CEMIP: variants seen among roughly 807,000 people sequenced by gnomAD.
CEMIP encodes cell migration inducing hyaluronidase 1, also known as cell migration-inducing and hyaluronan-binding protein.
A neutral mutation model predicts 156.9 loss-of-function variants in CEMIP; 105 were observed. That is an observed-to-expected ratio of 0.67 (90% CI 0.57 to 0.79). The LOEUF is 0.79. Ranked by LOEUF, CEMIP falls within the 30% of genes least tolerant of loss-of-function variation. The probability of loss-of-function intolerance (pLI) is 0.00; values close to 1 mark genes in which losing one functional copy is unlikely to be tolerated. For missense variants in CEMIP, 1,457 were observed against 1,769.4 expected, an observed-to-expected ratio of 0.82 and a Z score of 3.17; for synonymous variants, 676 against 668.4, an observed-to-expected ratio of 1.01 and a Z score of -0.17.
chr15:80,912,807 C>T (rs1900119097), intron 14 of CEMIP, among the ~76,000 whole-genome samples: 1 of 152,162 alleles, frequency 6.6e-6, no homozygotes, highest in Admixed American at 6.5e-5. Context: ...ACATTTGCTT[C>T]CTTCATTTTG....
intron 11 of CEMIP, among the ~76,000 whole-genome samples, chr15:80,895,430 T>C (rs1899185572): frequency 1.3e-5 from 2 of 152,004 alleles, no homozygotes; most frequent in African/African-American, 2.4e-5. Context: ...TTAAATCCAG[T>C]ACCTAAGGTG....
intron 1 of CEMIP, among the ~76,000 whole-genome samples, chr15:80,854,877 G>A (rs898859276): frequency 1.3e-5 from 2 of 152,134 alleles, no homozygotes; most frequent in African/African-American, 4.8e-5. Context: ...CCCAGACCTG[G>A]AGAGCCACTA....
At chr15:80,834,291 A>C (rs1368546610) in intron 1 of CEMIP, among the ~76,000 whole-genome samples, 2 of 152,204 alleles carry the variant, frequency 1.3e-5, no homozygotes, top group Non-Finnish European at 2.9e-5. Flanking sequence ...GGTGTTTTTG[A>C]TGAACAGAAG....
At chr15:80,924,116 T>C (rs1047851071) in intron 17 of CEMIP, among the ~76,000 whole-genome samples, 2 of 152,204 alleles carry the variant, frequency 1.3e-5, no homozygotes, top group African/African-American at 4.8e-5. Flanking sequence ...AAAGTGGACA[T>C]GTTTAGAGTC....
intron 6 of CEMIP, among the ~76,000 whole-genome samples, chr15:80,883,954 C>A (rs945179566): frequency 6.6e-6 from 1 of 152,204 alleles, no homozygotes; most frequent in Non-Finnish European, 1.5e-5. Flanking sequence ...AGCGAATGAA[C>A]ATTATGGTCA....
chr15:80,836,073 A>AT (rs55996446), intron 1 of CEMIP, among the ~76,000 whole-genome samples: 23,270 of 134,412 alleles, frequency 0.17, 2,158 homozygotes, highest in Middle Eastern at 0.23. Context: ...GACGGAAGTG[A>AT]TTTTTTTTTT....
chr15:80,920,340 G>T (rs1434744082), intron 15 of CEMIP, 41 bp downstream of exon 15: 1 of 1,545,902 alleles, frequency 6.5e-7, no homozygotes, highest in East Asian at 2.3e-5. Context: ...GGGGGAAGGG[G>T]TGTACATGTG....
chr15:80,885,028 G>T (rs1457623241), intron 7 of CEMIP, among the ~76,000 whole-genome samples: 1 of 152,142 alleles, frequency 6.6e-6, no homozygotes, highest in East Asian at 1.9e-4. Context: ...CCGGTATTAA[G>T]CCCAGCATCC....
In CEMIP at chr15:80,919,351, G is replaced by A. The variant is rs189642186; in HGVS notation, c.1798-743G>A. On this transcript the variant is annotated intron_variant, in intron 14 of 29. Transcript: ENST00000394685. ...CCTCTGTGGAGTCCCTCCACGGTAA[G>A]TCCTTGTACACAGGGCACTCAGCTG... Among the ~76,000 whole-genome samples, 9 of 152,330 alleles carry A rather than the reference G, an allele frequency of 5.9e-5. No homozygotes were observed. In the East Asian group the frequency reaches 1.5e-3, roughly 26 times the overall value.
intron 21 of CEMIP, among the ~76,000 whole-genome samples, chr15:80,930,933 C>G (rs1567107318): frequency 6.6e-6 from 1 of 152,178 alleles, no homozygotes; most frequent in Non-Finnish European, 1.5e-5. Flanking sequence ...AAGGAGCAAG[C>G]CTAGACTGGG....
At chr15:80,918,034 G>A (rs904234495) in intron 14 of CEMIP, among the ~76,000 whole-genome samples, 2 of 152,166 alleles carry the variant, frequency 1.3e-5, no homozygotes, top group Non-Finnish European at 2.9e-5. Context: ...TAGCACTTTG[G>A]GAGGCCGAGG....
chr15:80,927,525 G>A (rs1030571673), intron 19 of CEMIP, among the ~76,000 whole-genome samples: 2 of 152,206 alleles, frequency 1.3e-5, no homozygotes, highest in African/African-American at 4.8e-5. Context: ...GCATTTCAGA[G>A]TTTAGGTCCC....
At position 80,906,896 on chromosome 15, in the gene CEMIP, G is replaced by T. The variant is rs536748089; in HGVS notation, c.1587+58G>T. 2.0e-5 allele frequency: 31 copies of T among 1,538,402 alleles called. No individual in the cohort carries two copies. Among genetic ancestry groups the T allele is most frequent in the Middle Eastern group, 1.7e-4 (1 of 5,984 alleles). ...AACCAGGAGAGTTCCTATGATGTCAGCCTCTAGACGGGCCTTCTTGGTAGG... is the reference window on the plus strand; with the variant it reads ...AACCAGGAGAGTTCCTATGATGTCATCCTCTAGACGGGCCTTCTTGGTAGG... On this transcript the variant is annotated intron_variant, in intron 13 of 29. Coordinates refer to ENST00000394685, the MANE Select transcript of CEMIP (RefSeq NM_001293298.2). This position sits in a 1 kb window ranked among gnomAD's most constrained non-coding sequence, Gnocchi z 4.3.
chr15:80,873,217 G>A (rs543384701), intron 1 of CEMIP, among the ~76,000 whole-genome samples: 3 of 152,302 alleles, frequency 2.0e-5, no homozygotes, highest in South Asian at 2.1e-4. Context: ...TTCTGTTACC[G>A]AGGAAGGAGA....
At chr15:80,870,407 T>A (rs901443566) in intron 1 of CEMIP, among the ~76,000 whole-genome samples, 1 of 152,148 alleles carries the variant, frequency 6.6e-6, no homozygotes, top group Non-Finnish European at 1.5e-5. Context: ...TTCTGTAGCC[T>A]CTCTGGGCAG....
intron 3 of CEMIP, among the ~76,000 whole-genome samples, chr15:80,874,274 C>T (rs1477745183): frequency 1.3e-5 from 2 of 152,236 alleles, no homozygotes; most frequent in Admixed American, 1.3e-4. Flanking sequence ...CTGTGGTCAA[C>T]TGGAGAACTG....
intron 4 of CEMIP, among the ~76,000 whole-genome samples, chr15:80,879,162 T>C (rs1324971216): frequency 6.6e-6 from 1 of 152,236 alleles, no homozygotes; most frequent in Non-Finnish European, 1.5e-5. Flanking sequence ...CATGCAGTGA[T>C]GGCATTTGAC....
At chr15:80,854,546 T>C (rs1897798379) in intron 1 of CEMIP, among the ~76,000 whole-genome samples, 1 of 152,242 alleles carries the variant, frequency 6.6e-6, no homozygotes, top group Non-Finnish European at 1.5e-5. Flanking sequence ...ACATTTGTTT[T>C]CAGCAAATCA....
intron 1 of CEMIP, among the ~76,000 whole-genome samples, chr15:80,830,637 C>T (rs147222416): frequency 6.6e-6 from 1 of 152,286 alleles, no homozygotes; most frequent in East Asian, 1.9e-4. Context: ...TTTAAGGTGA[C>T]TCCCTGCATT....
Sources: allele counts gnomAD v4.1 joint callset (sites outside exome capture counted in the v4.1 genomes callset), GRCh38; gene constraint gnomAD v4.1.1; non-coding constraint Gnocchi (gnomAD v3.1); transcripts MANE v1.5; gene names NCBI Gene and HGNC (gene_info 2026-07-23, HGNC 2026-07-21).